Variants in ABLIM1 observed in about 807,000 individuals in gnomAD.
ABLIM1 encodes actin-binding LIM protein 1.
A neutral mutation model predicts 107.0 loss-of-function variants in ABLIM1; 40 were observed. The observed-to-expected ratio is 0.37, with a 90% confidence interval of 0.29 to 0.49. The LOEUF (loss-of-function observed/expected upper bound fraction) is 0.49, where lower values mean the gene tolerates loss of function less well. Among genes scored for constraint, ABLIM1 ranks in the 20% least tolerant of loss-of-function variants. The probability of loss-of-function intolerance (pLI) is 0.97; values close to 1 mark genes in which losing one functional copy is unlikely to be tolerated. For synonymous variants in ABLIM1, 357 were observed against 357.3 expected (o/e 1.00, Z 0.01); for missense variants, 857 against 1,008.5 (o/e 0.85, Z 2.04).
rs2140405269 is a variant in ABLIM1 at position 114,619,806 on chromosome 10, C to A, written c.245-17845G>T. 6.6e-6 allele frequency among the ~76,000 whole-genome samples: 1 copy of A among 152,296 alleles called. No homozygotes were observed. The highest frequency in any genetic ancestry group is 6.5e-5 in the Admixed American group (1 of 15,298). On this transcript the variant is annotated intron_variant, in intron 1 of 22. Transcript: ENST00000533213. This position sits in a 1 kb window ranked among gnomAD's most constrained non-coding sequence, Gnocchi z 4.1. ...CTCTACGAGTGTTTTCTTTGGACTT[C>A]CAGCTGGAATTCAAACAGTATTTTA...
Position 114,431,433 on chromosome 10 carries a change from A to T in ABLIM1, c.*4827T>A, listed in dbSNP as rs1201484339. 1 of 152,220 alleles carries T rather than the reference A, an allele frequency of 6.6e-6. No individual in the cohort carries two copies. Among genetic ancestry groups the T allele is most frequent in the Non-Finnish European group, 1.5e-5 (1 of 68,040 alleles). 9.4% of individuals were successfully genotyped at this position (152,220 alleles called of 1,614,324 possible). On this transcript the variant is annotated 3_prime_UTR_variant, in exon 23 of 23. Transcript: ENST00000533213. Reference sequence around the variant, plus strand: ...ACCACACACCTTCCAACATTTGAAAAAATTCCATAAACCCAACTTAAAATC... The same window carrying T: ...ACCACACACCTTCCAACATTTGAAATAATTCCATAAACCCAACTTAAAATC...
chr10:114,544,037 G>A (rs1264257564), intron 6 of ABLIM1, among the ~76,000 whole-genome samples: 6 of 152,258 alleles, frequency 3.9e-5, no homozygotes, highest in Admixed American at 1.3e-4. Context: ...CCACGGAAGA[G>A]ACAGCACAGC....
At chr10:114,494,050 G>C (rs1351593991) in intron 6 of ABLIM1, among the ~76,000 whole-genome samples, 2 of 152,152 alleles carry the variant, frequency 1.3e-5, no homozygotes, top group Admixed American at 6.5e-5. Context: ...TATGGGCATG[G>C]GAGTAGAAAA....
the ABLIM1 span, among the ~76,000 whole-genome samples, chr10:114,788,844 G>A: frequency 2.6e-5 from 4 of 152,210 alleles, no homozygotes; most frequent in Non-Finnish European, 5.9e-5. Flanking sequence ...TCTTAGGTAA[G>A]TATGTACCAA....
intron 1 of ABLIM1, among the ~76,000 whole-genome samples, chr10:114,613,436 G>A (rs979070462): frequency 3.9e-5 from 6 of 152,190 alleles, no homozygotes; most frequent in Admixed American, 3.9e-4. Flanking sequence ...ATGGAAACTG[G>A]CAAACTTTAC....
At chr10:114,463,987 A>G (rs2064535941) in intron 12 of ABLIM1, among the ~76,000 whole-genome samples, 1 of 152,190 alleles carries the variant, frequency 6.6e-6, no homozygotes, top group Non-Finnish European at 1.5e-5. Context: ...CATCAGAACC[A>G]TAATTGGAAC....
At chr10:114,535,152 T>C (rs1208332039) in intron 6 of ABLIM1, among the ~76,000 whole-genome samples, 2 of 152,196 alleles carry the variant, frequency 1.3e-5, no homozygotes, top group African/African-American at 4.8e-5. Flanking sequence ...AAACCATACA[T>C]TGGATTTCAA....
At chr10:114,659,250 T>C (rs2079672855), upstream of ABLIM1, among the ~76,000 whole-genome samples, 1 of 152,072 alleles carries the variant, frequency 6.6e-6, no homozygotes, top group African/African-American at 2.4e-5. Flanking sequence ...TGCTCACGTC[T>C]GTAATCCTAG....
chr10:114,602,158 G>A (rs957091328), intron 1 of ABLIM1, among the ~76,000 whole-genome samples, 197 bp from the exon 2 acceptor site: 1 of 152,106 alleles, frequency 6.6e-6, no homozygotes, highest in Non-Finnish European at 1.5e-5. Context: ...AGTCCCGGGG[G>A]GAAAACACCA....
At chr10:114,723,587 T>C (rs1372487588) in intron 1 of ABLIM1, among the ~76,000 whole-genome samples, 2 of 152,230 alleles carry the variant, frequency 1.3e-5, no homozygotes, top group Non-Finnish European at 2.9e-5. Flanking sequence ...ATTGGCTGAC[T>C]CTTGCCCATC....
chr10:114,764,622 G>A (rs764541841), intron 1 of ABLIM1, among the ~76,000 whole-genome samples: 6 of 152,182 alleles, frequency 3.9e-5, no homozygotes, highest in South Asian at 2.1e-4. Flanking sequence ...GATTACAGGC[G>A]TGAGCCACCG....
intron 1 of ABLIM1, among the ~76,000 whole-genome samples, chr10:114,763,779 C>A (rs984296006): frequency 2.0e-5 from 3 of 152,176 alleles, no homozygotes; most frequent in African/African-American, 7.2e-5. Context: ...AGCTCTAATT[C>A]AATGGCTCCC....
chr10:114,463,195 G>C, intron 12 of ABLIM1: 2 of 1,228,468 alleles, frequency 1.6e-6, no homozygotes, highest in Non-Finnish European at 2.1e-6. Flanking sequence ...GGCAGGGCAC[G>C]GTGGAAACAG....
intron 4 of ABLIM1, among the ~76,000 whole-genome samples, chr10:114,567,315 A>G (rs1260724865): frequency 5.3e-5 from 8 of 152,250 alleles, no homozygotes. Flanking sequence ...GATACTGTCT[A>G]TGGAACATTG....
At chr10:114,469,589 G>A (rs2066043057) in intron 10 of ABLIM1, among the ~76,000 whole-genome samples, 1 of 152,118 alleles carries the variant, frequency 6.6e-6, no homozygotes, top group Non-Finnish European at 1.5e-5. Flanking sequence ...CCCAGCCCCT[G>A]GTACGCTTTC....
Position 114,439,335 on chromosome 10 carries a change from TG to T in ABLIM1, c.2068-86del. ...TACTCTTGGGCTCCCAATTCCCTGT[TG>T]GGTCTCCAATCCTAACCACTATTTT... On this transcript the variant is annotated intron_variant, in intron 20 of 22. Transcript: ENST00000533213. The T allele has an allele frequency of 2.2e-6, 3 of 1,377,858 alleles. No individual in the cohort carries two copies. The Admixed American group carries it at 5.2e-5, about 24-fold the overall frequency. The allele number at this position is 1,377,858 out of a possible 1,614,324, so 85.4% of individuals were successfully genotyped here.
intron 6 of ABLIM1, among the ~76,000 whole-genome samples, chr10:114,511,292 C>T (rs2061830308): frequency 6.6e-6 from 1 of 151,960 alleles, no homozygotes; most frequent in Non-Finnish European, 1.5e-5. Flanking sequence ...AGATGTATTG[C>T]TGAATCCACG....
chr10:114,698,142 T>G (rs1478184473), intron 1 of ABLIM1, among the ~76,000 whole-genome samples: 1 of 152,022 alleles, frequency 6.6e-6, no homozygotes, highest in South Asian at 2.1e-4. Context: ...AAACACATGA[T>G]TCTAGAGAAA....
intron 14 of ABLIM1, among the ~76,000 whole-genome samples, 184 bp from the exon 15 acceptor site, chr10:114,448,204 T>C (rs931829233): frequency 6.6e-6 from 1 of 152,252 alleles, no homozygotes; most frequent in African/African-American, 2.4e-5. Flanking sequence ...CTCATTTTCC[T>C]TACTTTACGT....
Sources: allele counts gnomAD v4.1 joint callset (sites outside exome capture counted in the v4.1 genomes callset), GRCh38; gene constraint gnomAD v4.1.1; non-coding constraint Gnocchi (gnomAD v3.1); transcripts MANE v1.5; gene names NCBI Gene and HGNC (gene_info 2026-07-23, HGNC 2026-07-21).